The following SOX5 variants were observed in gnomAD, a reference collection of about 807,000 sequenced individuals.
SOX5 encodes SRY-box transcription factor 5.
SOX5 carries 9 observed loss-of-function variants against 92.0 expected under a neutral mutation model. That is an observed-to-expected ratio of 0.10 (90% CI 0.06 to 0.17). SOX5 has a LOEUF of 0.17. Among genes scored for constraint, SOX5 ranks in the 10% least tolerant of loss-of-function variants. SOX5 has a pLI of 1.00. For synonymous variants in SOX5, 344 were observed against 336.3 expected (o/e 1.02, Z -0.25); for missense variants, 642 against 944.5 (o/e 0.68, Z 4.20).
At chr12:24,500,379 C>T (rs912551120) in intron 1 of SOX5, among the ~76,000 whole-genome samples, 3 of 151,960 alleles carry the variant, frequency 2.0e-5, no homozygotes, top group Non-Finnish European at 4.4e-5. Flanking sequence ...GAAACCATGG[C>T]TGTGTCCTTA....
At position 23,740,850 on chromosome 12, in the gene SOX5, C is replaced by A; in HGVS notation, c.741+17G>T. The A allele has an allele frequency of 6.3e-7, 1 of 1,599,258 alleles. No homozygotes were observed. The highest frequency in any genetic ancestry group is 8.5e-7 in the Non-Finnish European group (1 of 1,169,870). On this transcript the variant is annotated intron_variant, in intron 5 of 14. Coordinates refer to ENST00000451604, the MANE Select transcript of SOX5 (RefSeq NM_006940.6). ...TAATGTCTGAGGAATATGACTGCAT[C>A]GCTAGTTCTTACTCACTTGTTCTTG... is the stretch of plus-strand genomic sequence containing the variant.
intron 1 of SOX5, among the ~76,000 whole-genome samples, chr12:24,441,782 C>T (rs1335882286): frequency 6.6e-6 from 1 of 152,172 alleles, no homozygotes; most frequent in Middle Eastern, 3.4e-3. Context: ...TTTAGGAAAC[C>T]ATTTTATTGT....
Position 24,393,263 on chromosome 12 carries a change from A to G in SOX5, c.-250-24624T>C, listed in dbSNP as rs1341616767. Among the ~76,000 whole-genome samples, 1 of 152,184 alleles carries G rather than the reference A, an allele frequency of 6.6e-6. No homozygotes were observed. Among genetic ancestry groups the G allele is most frequent in the African/African-American group, 2.4e-5 (1 of 41,450 alleles). On this transcript the variant is annotated intron_variant, in intron 1 of 4. Transcript: ENST00000446891. The surrounding 1 kb of genome is among the most constrained non-coding windows in gnomAD (Gnocchi z 5.0). ...TTCCCCATTCTAAATTCTGTCTACT[A>G]AACAAATTAGCAAGCTCATCAATAA...
intron 8 of SOX5, among the ~76,000 whole-genome samples, chr12:23,635,563 A>T (rs2079116529): frequency 6.6e-6 from 1 of 152,048 alleles, no homozygotes; most frequent in East Asian, 1.9e-4. Context: ...TAGGAGATAT[A>T]CCTAATGTAA....
chr12:23,866,397 AG>A (rs1305953713), intron 2 of SOX5, among the ~76,000 whole-genome samples: 1 of 152,234 alleles, frequency 6.6e-6, no homozygotes, highest in East Asian at 1.9e-4. Context: ...GTAATGCGAA[AG>A]TGCCCAAAAC....
chr12:23,795,924 C>A (rs11047103), intron 3 of SOX5, among the ~76,000 whole-genome samples: 1,710 of 152,090 alleles, frequency 0.011, 37 homozygotes, highest in African/African-American at 0.04. Flanking sequence ...TAGTATTTAA[C>A]TAATAAACAA....
intron 1 of SOX5, among the ~76,000 whole-genome samples, chr12:24,474,129 A>G (rs2137680054): frequency 6.6e-6 from 1 of 152,358 alleles, no homozygotes; most frequent in Non-Finnish European, 1.5e-5. Flanking sequence ...CATCAACTAG[A>G]TATAAGAGAA....
At chr12:24,498,894 A>G (rs1193843327) in intron 1 of SOX5, among the ~76,000 whole-genome samples, 1 of 152,116 alleles carries the variant, frequency 6.6e-6, no homozygotes, top group Non-Finnish European at 1.5e-5. Flanking sequence ...TTATTCTTGG[A>G]ACACACCAAA....
chr12:23,869,713 C>G (rs571655727), intron 2 of SOX5, among the ~76,000 whole-genome samples: 1 of 152,046 alleles, frequency 6.6e-6, no homozygotes, highest in Non-Finnish European at 1.5e-5. Context: ...TAAGACTTCC[C>G]GATGAAAGAA....
At chr12:24,172,139 G>T (rs1479744784) in intron 4 of SOX5, among the ~76,000 whole-genome samples, 1 of 151,966 alleles carries the variant, frequency 6.6e-6, no homozygotes, top group African/African-American at 2.4e-5. Flanking sequence ...CTTGGGGATT[G>T]GAAGTAGTGA....
chr12:24,147,930 A>G (rs965356900), intron 4 of SOX5, among the ~76,000 whole-genome samples: 7 of 152,202 alleles, frequency 4.6e-5, no homozygotes. Flanking sequence ...TATTTACTTC[A>G]TTGGTCAGAG....
At chr12:23,979,698 G>GTTTTTTTGTTTTTTT (rs1949313537) in intron 4 of SOX5, among the ~76,000 whole-genome samples, 5 of 64,706 alleles carry the variant, frequency 7.7e-5, no homozygotes, top group African/African-American at 1.1e-4. Context: ...ATATATATAT[G>GTTTTTTTGTTTTTTT]TTTTTTTTGT....
At chr12:23,715,292 CAAAATAAAAT>C (rs373690969) in intron 6 of SOX5, among the ~76,000 whole-genome samples, 38 of 147,936 alleles carry the variant, frequency 2.6e-4, no homozygotes, top group African/African-American at 9.2e-4. Flanking sequence ...GACTCCATCT[CAAAATAAAAT>C]AAAATAAAAT....
intron 1 of SOX5, among the ~76,000 whole-genome samples, chr12:23,919,879 A>G (rs902615124): frequency 3.9e-5 from 6 of 152,238 alleles, no homozygotes; most frequent in African/African-American, 1.4e-4. Flanking sequence ...ATATATTTGT[A>G]CCAGTTATGA....
At chr12:24,353,411 G>A (rs1040929485) in intron 2 of SOX5, among the ~76,000 whole-genome samples, 1 of 152,128 alleles carries the variant, frequency 6.6e-6, no homozygotes, top group African/African-American at 2.4e-5. Context: ...GAAGCAACAG[G>A]CCTAGAGCAA....
At chr12:23,688,468 G>C (rs1285573633) in intron 6 of SOX5, among the ~76,000 whole-genome samples, 1 of 152,060 alleles carries the variant, frequency 6.6e-6, no homozygotes, top group Non-Finnish European at 1.5e-5. Flanking sequence ...AATTTCATTA[G>C]ATTCACCTGA....
At chr12:24,408,259 A>G (rs915775355) in intron 1 of SOX5, among the ~76,000 whole-genome samples, 13 of 152,218 alleles carry the variant, frequency 8.5e-5, no homozygotes, top group African/African-American at 3.1e-4. Flanking sequence ...ACTTTACAGA[A>G]AATGTGATGC....
chr12:23,748,850 G>A (rs946747941), intron 4 of SOX5, among the ~76,000 whole-genome samples: 10 of 151,820 alleles, frequency 6.6e-5, no homozygotes, highest in East Asian at 5.8e-4. Context: ...TTAATATTCC[G>A]CCTAATGAAG....
intron 7 of SOX5, among the ~76,000 whole-genome samples, chr12:23,645,348 G>A (rs1161932874): frequency 1.3e-5 from 2 of 152,148 alleles, no homozygotes; most frequent in African/African-American, 2.4e-5. Flanking sequence ...AATAACAGGT[G>A]ATAGAATAAA....
Sources: gnomAD v4.1 joint callset for allele counts (sites outside exome capture counted in the v4.1 genomes callset) on GRCh38, gnomAD v4.1.1 for gene constraint, Gnocchi (gnomAD v3.1) non-coding constraint, MANE v1.5 for transcripts, NCBI Gene and HGNC (gene_info 2026-07-23, HGNC 2026-07-21) for gene names.